Variants in SPATA7 observed in about 807,000 individuals in gnomAD.
The protein encoded by SPATA7 is spermatogenesis-associated protein 7.
A neutral mutation model predicts 51.8 loss-of-function variants in SPATA7; 43 were observed. The observed-to-expected ratio is 0.83, with a 90% CI of 0.65 to 1.07. The LOEUF (loss-of-function observed/expected upper bound fraction) is 1.07, where lower values mean the gene tolerates loss of function less well. Among genes scored for constraint, SPATA7 ranks in the 50% least tolerant of loss-of-function variants. The pLI is 0.00. For missense variants in SPATA7, 683 were observed against 701.3 expected (o/e 0.97, Z 0.30); for synonymous variants, 230 against 252.8 (o/e 0.91, Z 0.86).
chr14:88,393,104 A>C (rs1038924786), intron 2 of SPATA7, among the ~76,000 whole-genome samples: 6 of 146,000 alleles, frequency 4.1e-5, no homozygotes, highest in Non-Finnish European at 7.5e-5. Context: ...GAGAGCTGTC[A>C]AAAAAAAAAT....
intron 2 of SPATA7, chr14:88,391,692 C>T: frequency 1.7e-6 from 1 of 575,086 alleles, no homozygotes. Flanking sequence ...CCAGCTGCTA[C>T]AGCAGCCCAG....
At chr14:88,459,147 T>A (rs2077302125), downstream of SPATA7, among the ~76,000 whole-genome samples, 1 of 152,214 alleles carries the variant, frequency 6.6e-6, no homozygotes, top group South Asian at 2.1e-4. Context: ...TCCAGCTATG[T>A]GGTCAATTTT....
In SPATA7 at chr14:88,437,592, G is replaced by A. The variant is rs749304751; in HGVS notation, c.1210G>A (p.Glu404Lys). ...ACATATAAAACAAAATAAACATTTGGAGGAGGTTTGTCTTTCCTTATAACT... is the reference window on the plus strand; with the variant it reads ...ACATATAAAACAAAATAAACATTTGAAGGAGGTTTGTCTTTCCTTATAACT... ...ERHIKQNKHLEEEKMRHLLHV... is the reference protein window; with the variant it reads ...ERHIKQNKHLKEEKMRHLLHV... The change falls in exon 11 of 12, where the codon GAG becomes AAG. Residue 404 changes from glutamate to lysine, a missense_variant. Physicochemically the swap from Glu to Lys is moderately conservative, Grantham distance 56. Coordinates refer to ENST00000393545, the MANE Select transcript of SPATA7 (RefSeq NM_018418.5). The A allele has an allele frequency of 6.2e-7, 1 of 1,608,682 alleles. No homozygotes were observed. The highest frequency in any genetic ancestry group is 1.1e-5 in the South Asian group (1 of 90,174).
chr14:88,426,815 T>G (rs2076807952), intron 6 of SPATA7, 111 bp downstream of exon 6: 2 of 951,780 alleles, frequency 2.1e-6, no homozygotes, highest in South Asian at 2.9e-5. Context: ...AGTGCCCTTT[T>G]GATTGGAATG....
chr14:88,442,765 C>T (rs1421619597), downstream of SPATA7, among the ~76,000 whole-genome samples: 1 of 151,732 alleles, frequency 6.6e-6, no homozygotes, highest in Admixed American at 6.6e-5. Flanking sequence ...TTTGATATGT[C>T]CTTTCCTGGT....
intron 5 of SPATA7, among the ~76,000 whole-genome samples, chr14:88,421,872 C>T (rs1476819481): frequency 8.6e-5 from 13 of 151,568 alleles, no homozygotes; most frequent in African/African-American, 2.9e-4. Flanking sequence ...TCGCTTGAGT[C>T]CAGGAGGCGG....
intron 5 of SPATA7, among the ~76,000 whole-genome samples, chr14:88,423,896 TTATTGTAGGTTA>T (rs2076717479): frequency 6.6e-6 from 1 of 152,138 alleles, no homozygotes; most frequent in African/African-American, 2.4e-5. Context: ...AATTGGAAAA[TTATTGTAGGTTA>T]TGTCTTCTGA....
chr14:88,451,519 C>T (rs1032853670), intron 3 of SPATA7, among the ~76,000 whole-genome samples: 1 of 148,350 alleles, frequency 6.7e-6, no homozygotes, highest in South Asian at 2.1e-4. Flanking sequence ...CCATTCATAT[C>T]CTATATCTTT....
chr14:88,411,323 T>C (rs565675362), intron 4 of SPATA7, among the ~76,000 whole-genome samples: 19 of 152,310 alleles, frequency 1.2e-4, no homozygotes, highest in African/African-American at 4.6e-4. Flanking sequence ...GGGTGGAATA[T>C]GCTGAGCTAG....
intron 3 of SPATA7, among the ~76,000 whole-genome samples, chr14:88,445,393 A>G (rs1462477970): frequency 1.3e-5 from 2 of 151,978 alleles, no homozygotes; most frequent in African/African-American, 2.4e-5. Context: ...GGGCTGAGAC[A>G]ATGGGGTTTT....
At chr14:88,414,842 C>T in intron 4 of SPATA7, 1 of 197,390 alleles carries the variant, frequency 5.1e-6, no homozygotes, top group Non-Finnish European at 1.1e-5. Context: ...GGTTTAATTT[C>T]CATGTAAAAT....
intron 4 of SPATA7, chr14:88,416,191 T>C (rs56397301): frequency 0.035 from 5,369 of 154,744 alleles, 310 homozygotes; most frequent in African/African-American, 0.12. Flanking sequence ...GCAAGAACAG[T>C]CTAACACACT....
At chr14:88,419,281 A>G (rs1052200828) in intron 5 of SPATA7, among the ~76,000 whole-genome samples, 2 of 152,106 alleles carry the variant, frequency 1.3e-5, no homozygotes, top group Admixed American at 6.5e-5. Flanking sequence ...TGAAGGAGGT[A>G]GTTTCTTGGT....
downstream of SPATA7, among the ~76,000 whole-genome samples, chr14:88,459,756 T>G (rs563168251): frequency 6.6e-6 from 1 of 152,210 alleles, no homozygotes; most frequent in Non-Finnish European, 1.5e-5. Context: ...ATCCTGTCAT[T>G]ATGATGTTAG....
In SPATA7 at chr14:88,416,855, A is replaced by C; in HGVS notation, c.372+11A>C. 6.4e-7 allele frequency: 1 copy of C among 1,567,216 alleles called. No homozygotes were observed. The highest frequency in any genetic ancestry group is 1.1e-5 in the South Asian group (1 of 89,322). ...AATACCTTACAAAAGGTAAGATAGT[A>C]TTTTTATTTTTTAAAAGCAAATGTT... On this transcript the variant is annotated intron_variant, in intron 5 of 11. Coordinates refer to ENST00000393545, the MANE Select transcript of SPATA7 (RefSeq NM_018418.5).
In SPATA7 at chr14:88,385,835, G is replaced by A. The variant is rs2075554794; in HGVS notation, c.17G>A (p.Arg6Lys). The change falls in exon 1 of 12, where the codon AGA (arginine) becomes AAA (lysine). Residue 6 changes from arginine (R) to lysine (K), a missense_variant and splice_region_variant. Arg to Lys is a conservative substitution (Grantham distance 26, BLOSUM62 2). Coordinates refer to ENST00000393545, the MANE Select transcript of SPATA7 (RefSeq NM_018418.5). ...GGACTAAGCATGGATGGCAGCCGGA[G>A]AGGTAAAGGGCAGCTGTCAGGGGCT... MDGSR[R>K]VRATSVLPRY... The A allele has an allele frequency of 1.2e-6, 2 of 1,603,804 alleles. No homozygotes were observed. The highest frequency in any genetic ancestry group is 1.7e-6 in the Non-Finnish European group (2 of 1,175,900).
At chr14:88,450,581 C>G (rs2077243626) in intron 3 of SPATA7, among the ~76,000 whole-genome samples, 1 of 152,072 alleles carries the variant, frequency 6.6e-6, no homozygotes, top group African/African-American at 2.4e-5. Context: ...ATACAAAATT[C>G]TTGGCTGATA....
intron 4 of SPATA7, chr14:88,468,376 T>A: frequency 9.3e-7 from 1 of 1,077,432 alleles, no homozygotes; most frequent in East Asian, 2.5e-5. Flanking sequence ...GACAGTCTCT[T>A]TTCCACCTTA....
At chr14:88,412,635 A>G (rs1433716942) in intron 4 of SPATA7, among the ~76,000 whole-genome samples, 1 of 152,176 alleles carries the variant, frequency 6.6e-6, no homozygotes, top group Non-Finnish European at 1.5e-5. Flanking sequence ...CCCAGTACCA[A>G]TACTTTGCAT....
Sources: allele counts gnomAD v4.1 joint callset (sites outside exome capture counted in the v4.1 genomes callset), GRCh38; gene constraint gnomAD v4.1.1; transcripts MANE v1.5; gene names NCBI Gene and HGNC (gene_info 2026-07-23, HGNC 2026-07-21).